LAMA3: variants seen among roughly 807,000 people sequenced by gnomAD.
LAMA3 encodes laminin subunit alpha 3, also known as laminin subunit alpha-3.
A neutral mutation model predicts 402.0 loss-of-function variants in LAMA3; 281 were observed. That is an observed-to-expected ratio of 0.70 (90% CI 0.63 to 0.77). The LOEUF (loss-of-function observed/expected upper bound fraction) is 0.77, where lower values mean the gene tolerates loss of function less well. Among genes scored for constraint, LAMA3 ranks in the 30% least tolerant of loss-of-function variants. The probability of loss-of-function intolerance (pLI) is 0.00; values close to 1 mark genes in which losing one functional copy is unlikely to be tolerated. For synonymous variants in LAMA3, 1,431 were observed against 1,558.4 expected (o/e 0.92, Z 1.93); for missense variants, 3,840 against 4,215.5 (o/e 0.91, Z 2.47).
chr18:23,799,618 G>T (rs981796969), intron 12 of LAMA3, among the ~76,000 whole-genome samples: 1 of 152,156 alleles, frequency 6.6e-6, no homozygotes, highest in African/African-American at 2.4e-5. Flanking sequence ...CTACCCTAAT[G>T]CCCGCATGGA....
At chr18:23,834,169 T>C in intron 24 of LAMA3, 181 bp downstream of exon 24, 1 of 678,080 alleles carries the variant, frequency 1.5e-6, no homozygotes, top group African/African-American at 1.8e-5. Flanking sequence ...GAGTCCTCTC[T>C]ATGGGCAGTG....
intron 23 of LAMA3, among the ~76,000 whole-genome samples, chr18:23,830,251 A>T (rs750438742): frequency 1.3e-5 from 2 of 152,212 alleles, no homozygotes; most frequent in African/African-American, 2.4e-5. Flanking sequence ...TCTCTGTGCC[A>T]TCTGAACCAG....
At chr18:23,752,042 G>C (rs1423422798) in intron 5 of LAMA3, among the ~76,000 whole-genome samples, 1 of 152,226 alleles carries the variant, frequency 6.6e-6, no homozygotes, top group Non-Finnish European at 1.5e-5. Context: ...TAACATCAGA[G>C]AGCTGGGAAA....
At chr18:23,950,295 AC>A (rs2082863662) in intron 72 of LAMA3, 136 bp downstream of exon 72, 2 of 924,890 alleles carry the variant, frequency 2.2e-6, no homozygotes, top group Non-Finnish European at 3.3e-6. Context: ...GTGCTAACTT[AC>A]CATTTTCCTT....
intron 29 of LAMA3, among the ~76,000 whole-genome samples, chr18:23,844,382 TAA>T (rs1219578447): frequency 6.6e-6 from 1 of 152,198 alleles, no homozygotes; most frequent in Non-Finnish European, 1.5e-5. Context: ...TGTTTCCCTT[TAA>T]AAATACAAAA....
In LAMA3 at chr18:23,815,180, C is replaced by A. The variant is rs1223413235; in HGVS notation, c.1889-8C>A. 6.2e-7 allele frequency: 1 copy of A among 1,613,734 alleles called. No homozygotes were observed. The highest frequency in any genetic ancestry group is 8.5e-7 in the Non-Finnish European group (1 of 1,179,612). ...CCTTAGTTCAAGGATGCTCTCTTAT[C>A]TCCACAGAATGCAAGTGCCATAAGG... is the stretch of plus-strand genomic sequence containing the variant. On this transcript the variant is annotated splice_region_variant and splice_polypyrimidine_tract_variant and intron_variant, in intron 15 of 74. Transcript: ENST00000313654.
chr18:23,903,203 CCTA>C (rs2081131973), intron 49 of LAMA3, 78 bp downstream of exon 49: 2 of 911,970 alleles, frequency 2.2e-6, no homozygotes, highest in Non-Finnish European at 3.7e-6. Flanking sequence ...AATGGGCTGA[CCTA>C]CTTTTTTGTT....
chr18:23,756,787 C>A (rs1369832634), intron 6 of LAMA3, among the ~76,000 whole-genome samples: 2 of 152,190 alleles, frequency 1.3e-5, no homozygotes, highest in Non-Finnish European at 2.9e-5. Context: ...GCATCCCAGG[C>A]TCGGGAGTGC....
intron 62 of LAMA3, among the ~76,000 whole-genome samples, chr18:23,924,543 CTTTTTTTTTT>C (rs66546657): frequency 2.2e-5 from 2 of 89,108 alleles, no homozygotes; most frequent in Non-Finnish European, 5.1e-5. Flanking sequence ...CTTTTTTTTT[CTTTTTTTTTT>C]TTTTTTTTGA....
chr18:23,842,797 C>T (rs746018296), intron 29 of LAMA3, 47 bp downstream of exon 29: 3 of 1,611,340 alleles, frequency 1.9e-6, no homozygotes, highest in Admixed American at 1.7e-5. Context: ...GCCTGCCTGG[C>T]TGGCCATTCT....
intron 67 of LAMA3, among the ~76,000 whole-genome samples, chr18:23,935,544 C>A (rs936328484): frequency 1.2e-4 from 19 of 152,204 alleles, no homozygotes; most frequent in African/African-American, 3.9e-4. Flanking sequence ...TGGTTAAGTA[C>A]TGGACTCTGG....
intron 44 of LAMA3, among the ~76,000 whole-genome samples, chr18:23,895,735 T>C (rs186562551): frequency 3.9e-5 from 6 of 152,352 alleles, no homozygotes; most frequent in Admixed American, 1.3e-4. Context: ...TTGATCCTTT[T>C]ATTTCATTGA....
Position 23,847,505 on chromosome 18 carries a change from C to T in LAMA3, c.3973C>T (p.Gln1325Ter), listed in dbSNP as rs765265880. 1 of 1,613,700 alleles carries T rather than the reference C, an allele frequency of 6.2e-7. No individual in the cohort carries two copies. The highest frequency in any genetic ancestry group is 1.3e-5 in the African/African-American group (1 of 74,948). The stretch of plus-strand genomic sequence containing the variant: ...GCGCCTTTGTGAAGAGATGACGGGG[C>T]AGTGCCGCTGCCCTCCCCGCACGGT... ...GRRLCEEMTG[Q>*]CRCPPRTVRP... The change falls in exon 32 of 75, where the codon CAG (glutamine) becomes TAG (stop). Residue 1325 changes from glutamine to a stop codon, truncating the protein, a stop_gained. Coordinates refer to ENST00000313654, the MANE Select transcript of LAMA3 (RefSeq NM_198129.4). LOFTEE classifies it high-confidence loss of function.
Position 23,921,022 on chromosome 18 carries a change from G to A in LAMA3, c.8011G>A (p.Gly2671Arg), listed in dbSNP as rs1375271810. The stretch of plus-strand genomic sequence containing the variant: ...AGAGCTACCAAAAGAGAGAGGAGTT[G>A]GAGACGCCATAAACAACGGCAGAGA... ...NSELPKERGV[G>R]DAINNGRDHS... is the part of the protein sequence containing the mutation. Residue 2671 changes from glycine to arginine, a missense_variant, in exon 61 of 75, where the codon GGA becomes AGA. Physicochemically the swap from Gly to Arg is moderately radical, Grantham distance 125. Coordinates refer to ENST00000313654, the MANE Select transcript of LAMA3 (RefSeq NM_198129.4). 1 of 1,614,054 alleles carries A rather than the reference G, an allele frequency of 6.2e-7. No homozygotes were observed. Among genetic ancestry groups the A allele is most frequent in the Non-Finnish European group, 8.5e-7 (1 of 1,179,974 alleles).
chr18:23,805,371 C>A (rs550986658), intron 12 of LAMA3, among the ~76,000 whole-genome samples: 41 of 152,280 alleles, frequency 2.7e-4, no homozygotes, highest in Middle Eastern at 6.8e-3. Context: ...TTGATGGTAG[C>A]CCTCATCTCT....
At chr18:23,694,671 C>T (rs899837171) in intron 1 of LAMA3, among the ~76,000 whole-genome samples, 23 of 152,200 alleles carry the variant, frequency 1.5e-4, no homozygotes, top group Admixed American at 1.4e-3. Context: ...CGCTCTTACC[C>T]GCTATACTAC....
rs76519360 is a variant in LAMA3 at position 23,903,278 on chromosome 18, C to T, written c.6318+153C>T. Among the ~76,000 whole-genome samples, 1,052 of 152,308 alleles carry T rather than the reference C, an allele frequency of 6.9e-3. 29 individuals carry two copies. Among genetic ancestry groups the T allele is most frequent in the East Asian group, 0.052 (271 of 5,188 alleles). On this transcript the variant is annotated intron_variant, in intron 49 of 74. Transcript: ENST00000313654. ...AATGAAATGTTAACAATAGTTCTCT[C>T]TTGCAAAAGAAGTATGAATGACATG...
chr18:23,915,526 G>A lies in LAMA3; in HGVS notation c.7778+104G>A, dbSNP rs1032684415. 10 of 1,092,590 alleles carry A rather than the reference G, an allele frequency of 9.2e-6. No homozygotes were observed. The Admixed American group carries it at 1.7e-4, about 19-fold the overall frequency. The allele number at this position is 1,092,590 out of a possible 1,614,324, so 67.7% of individuals were successfully genotyped here. On this transcript the variant is annotated intron_variant, in intron 59 of 74. Transcript: ENST00000313654. ...GGGCCAGTGAGATGCTATTGATGTT[G>A]CTAGTTGCTTTGGGCCAGTAGTTCT...
At chr18:23,788,400 T>C (rs577130407) in intron 12 of LAMA3, among the ~76,000 whole-genome samples, 1 of 151,722 alleles carries the variant, frequency 6.6e-6, no homozygotes, top group South Asian at 2.1e-4. Flanking sequence ...ACCACTAACA[T>C]AGTAACTCAA....
Sources: allele counts gnomAD v4.1 joint callset (sites outside exome capture counted in the v4.1 genomes callset), GRCh38; gene constraint gnomAD v4.1.1; transcripts MANE v1.5; gene names NCBI Gene and HGNC (gene_info 2026-07-23, HGNC 2026-07-21).